The following TBCEL variants were observed in gnomAD, a reference collection of about 807,000 sequenced individuals.
TBCEL encodes tubulin folding cofactor E like.
In TBCEL, 15 loss-of-function variants were observed where a neutral mutation model predicts 44.2. The observed-to-expected ratio is 0.34, with a 90% confidence interval of 0.23 to 0.52. The LOEUF (loss-of-function observed/expected upper bound fraction) is 0.52. Among genes scored for constraint, TBCEL ranks in the 20% least tolerant of loss-of-function variants. The pLI, the probability that TBCEL is intolerant of heterozygous loss-of-function variation, is 0.95. For synonymous variants in TBCEL, 171 were observed against 185.4 expected (o/e 0.92, Z 0.63); for missense variants, 319 against 506.3 (o/e 0.63, Z 3.55).
intron 8 of TBCEL, among the ~76,000 whole-genome samples, chr11:121,073,689 A>G (rs1325992292): frequency 6.6e-6 from 1 of 151,910 alleles, no homozygotes; most frequent in Non-Finnish European, 1.5e-5. Context: ...TAAAGTTTCA[A>G]TATGTAGATA....
intron 5 of TBCEL, chr11:121,054,846 T>C: frequency 2.3e-6 from 1 of 443,398 alleles, no homozygotes; most frequent in Non-Finnish European, 3.8e-6. Flanking sequence ...CCTTATATCA[T>C]TCTTCGCTAT....
chr11:121,083,408 A>G (rs1946161196), intron 8 of TBCEL, among the ~76,000 whole-genome samples: 1 of 152,244 alleles, frequency 6.6e-6, no homozygotes, highest in Non-Finnish European at 1.5e-5. Context: ...TTCCAGTGCC[A>G]CTTACTGAGA....
At chr11:121,066,664 C>A (rs189529084) in intron 8 of TBCEL, among the ~76,000 whole-genome samples, 1 of 152,088 alleles carries the variant, frequency 6.6e-6, no homozygotes, top group African/African-American at 2.4e-5. Context: ...GAGTGAGTGG[C>A]GAATAACAAC....
chr11:121,045,591 A>G (rs916142121), intron 2 of TBCEL, 83 bp from the exon 3 acceptor site: 3 of 1,171,526 alleles, frequency 2.6e-6, no homozygotes, highest in Non-Finnish European at 2.4e-6. Flanking sequence ...CTAGTACTTT[A>G]TACATAATGG....
Position 121,055,175 on chromosome 11 carries a change from A to T in TBCEL, c.579A>T (p.Arg193=). The change falls in exon 6 of 9, where the codon CGA becomes CGT. Residue 193 remains arginine, a synonymous_variant. Transcript: ENST00000683345. ...DNNLQDWTEI[R]KLGVMFPSLD... is the part of the protein sequence containing the mutation. ...ACCTCCAAGACTGGACTGAAATACG[A>T]AAGTTAGGAGTTATGTTTCCTTCAC... 6.2e-7 allele frequency: 1 copy of T among 1,612,370 alleles called. No individual in the cohort carries two copies.
At chr11:121,045,338 C>T (rs1945410304) in intron 2 of TBCEL, among the ~76,000 whole-genome samples, 1 of 152,218 alleles carries the variant, frequency 6.6e-6, no homozygotes, top group South Asian at 2.1e-4. Context: ...CTTTTTCAGA[C>T]CTTTCTTCAA....
intron 4 of TBCEL, 69 bp downstream of exon 4, chr11:121,047,736 T>C (rs1945455102): frequency 6.4e-7 from 1 of 1,561,202 alleles, no homozygotes; most frequent in South Asian, 1.2e-5. Context: ...TTTATGTTAT[T>C]ATATGTTCTG....
At chr11:121,027,863 G>A (rs150373219) in intron 1 of TBCEL, among the ~76,000 whole-genome samples, 2 of 152,176 alleles carry the variant, frequency 1.3e-5, no homozygotes, top group African/African-American at 4.8e-5. Flanking sequence ...GGTCTACCAG[G>A]GCGTAGTTCA....
At position 121,053,535 on chromosome 11, in the gene TBCEL, C is replaced by G; in HGVS notation, c.274-16C>G. 6.2e-7 allele frequency: 1 copy of G among 1,609,402 alleles called. No individual in the cohort carries two copies. The highest frequency in any genetic ancestry group is 8.5e-7 in the Non-Finnish European group (1 of 1,177,244). The stretch of plus-strand genomic sequence containing the variant: ...CTGATTACTGCCTGATAATGCTTTT[C>G]TTTTTTTCTCCTTAGGTCAGTAAAA... On this transcript the variant is annotated splice_polypyrimidine_tract_variant and intron_variant, in intron 4 of 8. Transcript: ENST00000683345.
chr11:121,040,396 T>C (rs1327429532), intron 2 of TBCEL, among the ~76,000 whole-genome samples: 1 of 152,154 alleles, frequency 6.6e-6, no homozygotes, highest in Non-Finnish European at 1.5e-5. Context: ...GTACACCCCA[T>C]AGTGGAGCTT....
At position 121,058,450 on chromosome 11, in the gene TBCEL, G is replaced by A. The variant is rs1237699122; in HGVS notation, c.818G>A (p.Arg273Gln). The change falls in exon 7 of 9, where the codon CGA becomes CAA. Residue 273 changes from arginine to glutamine, a missense_variant. Transcript: ENST00000683345. Reference sequence around the variant, plus strand: ...CTGCAGCCATATACCACCGAGGAGCGAAGGAAATTGGTAATAGCCAGGTCT... The same window carrying A: ...CTGCAGCCATATACCACCGAGGAGCAAAGGAAATTGGTAATAGCCAGGTCT... ...PLLQPYTTEERRKLVIARLPS... is the reference protein window; with the variant it reads ...PLLQPYTTEEQRKLVIARLPS... The A allele has an allele frequency of 1.9e-6, 3 of 1,611,626 alleles. No individual in the cohort carries two copies. The highest frequency in any genetic ancestry group is 1.7e-5 in the Admixed American group (1 of 59,920).
chr11:121,033,894 C>T (rs1190148198), intron 1 of TBCEL, among the ~76,000 whole-genome samples: 2 of 151,514 alleles, frequency 1.3e-5, no homozygotes, highest in Non-Finnish European at 2.9e-5. Context: ...TAAGTGGAAT[C>T]ATACACGATT....
chr11:121,060,393 C>A (rs1945700111), intron 8 of TBCEL, among the ~76,000 whole-genome samples: 1 of 151,796 alleles, frequency 6.6e-6, no homozygotes, highest in South Asian at 2.1e-4. Flanking sequence ...CTTTGGGGTA[C>A]ATTTTTACCT....
intron 4 of TBCEL, chr11:121,047,935 T>TAA (rs141948107): frequency 0.2 from 23,332 of 114,666 alleles, 2,420 homozygotes; most frequent in East Asian, 0.29. Flanking sequence ...ATCTTTAATT[T>TAA]AAAAAAAAAA....
chr11:121,065,394 C>T (rs945156178), intron 8 of TBCEL, among the ~76,000 whole-genome samples: 57 of 152,266 alleles, frequency 3.7e-4, no homozygotes, highest in African/African-American at 1.3e-3. Context: ...ATTGAGGATA[C>T]TCTTAACTCA....
intron 4 of TBCEL, among the ~76,000 whole-genome samples, chr11:121,049,213 T>G (rs1945486357): frequency 6.6e-6 from 1 of 151,906 alleles, no homozygotes; most frequent in African/African-American, 2.4e-5. Flanking sequence ...CCTGTGATCT[T>G]AAGAAATTTA....
At chr11:121,051,825 T>C (rs1411494531) in intron 4 of TBCEL, among the ~76,000 whole-genome samples, 1 of 151,824 alleles carries the variant, frequency 6.6e-6, no homozygotes. Context: ...GCAGGGAACC[T>C]TTTCTTCTCA....
chr11:121,076,112 G>T (rs913910534), intron 8 of TBCEL, among the ~76,000 whole-genome samples: 5 of 151,880 alleles, frequency 3.3e-5, no homozygotes, highest in African/African-American at 1.2e-4. Flanking sequence ...TTCAATTAAG[G>T]TAGTGTGGGT....
chr11:121,070,450 A>G (rs562394926), intron 8 of TBCEL, among the ~76,000 whole-genome samples: 23 of 152,214 alleles, frequency 1.5e-4, no homozygotes, highest in Non-Finnish European at 2.5e-4. Flanking sequence ...CTTGGAACCA[A>G]TCCAAATGTC....
Sources: gnomAD v4.1 joint callset for allele counts (sites outside exome capture counted in the v4.1 genomes callset) on GRCh38, gnomAD v4.1.1 for gene constraint, MANE v1.5 for transcripts, NCBI Gene and HGNC (gene_info 2026-07-23, HGNC 2026-07-21) for gene names.